ARHGAP4: variants seen among roughly 807,000 people sequenced by gnomAD.
ARHGAP4 encodes the protein rho GTPase-activating protein 4.
Under a neutral mutation model 67.6 loss-of-function variants are expected in ARHGAP4, and 25 were observed. That is an observed-to-expected ratio of 0.37 (90% confidence interval 0.27 to 0.52). The LOEUF (loss-of-function observed/expected upper bound fraction) is 0.52. ARHGAP4 is among the 20% of genes least tolerant of loss of function. The pLI is 0.92. For synonymous variants in ARHGAP4, 448 were observed against 373.7 expected, an observed-to-expected ratio of 1.20 and a Z score of -2.29; for missense variants, 804 against 854.6, an observed-to-expected ratio of 0.94 and a Z score of 0.74.
chrX:153,917,946 G>A (rs1279920769), intron 7 of ARHGAP4, among the ~76,000 whole-genome samples: 1 of 112,217 alleles, frequency 8.9e-6, no homozygotes, highest in Admixed American at 9.5e-5. Flanking sequence ...GCGCAGAGGA[G>A]AAGGTTGACC....
intron 5 of ARHGAP4, chrX:153,919,792 AT>A (rs200702381): frequency 0.027 from 17,573 of 641,928 alleles, no homozygotes; most frequent in Non-Finnish European, 0.031. Context: ...TTTTTTTTTT[AT>A]TTTTTTTTTT....
chrX:153,910,717 T>C lies in ARHGAP4; in HGVS notation c.1799A>G (p.Glu600Gly), dbSNP rs1440954063. ...PPLFPPDLFG[E>G]LLASSELEAT... ...AGCCTCACCCGAAGAAGCCAGCAGC[T>C]CGCCGAACAGGTCTGGGGGGAAGAG... is the stretch of plus-strand genomic sequence containing the variant. The change falls in exon 15 of 22, where the codon GAG becomes GGG. Residue 600 changes from glutamate (E) to glycine (G), a missense_variant. Glu to Gly is a moderately conservative substitution (Grantham distance 98). Coordinates refer to ENST00000350060, the MANE Select transcript of ARHGAP4 (RefSeq NM_001666.5). 1.7e-6 allele frequency: 2 copies of C among 1,192,595 alleles called. No individual in the cohort carries two copies. Among genetic ancestry groups the C allele is most frequent in the African/African-American group, 1.8e-5 (1 of 56,777 alleles).
chrX:153,909,059 C>T lies in ARHGAP4; in HGVS notation c.2607+11G>A. On this transcript the variant is annotated intron_variant, in intron 21 of 21. Transcript: ENST00000350060. ...ACAGATGTCCCTCACCTGCCACACA[C>T]CCACTCTCACCTTATCCACCTCCAC... The T allele has an allele frequency of 1.7e-6, 2 of 1,208,342 alleles. No homozygotes were observed. Among genetic ancestry groups the T allele is most frequent in the Non-Finnish European group, 2.2e-6 (2 of 892,652 alleles).
At chrX:153,917,611 C>A (rs782180893) in intron 7 of ARHGAP4, among the ~76,000 whole-genome samples, 2 of 111,085 alleles carry the variant, frequency 1.8e-5, no homozygotes, top group Non-Finnish European at 3.8e-5. Flanking sequence ...GAAAAATTAG[C>A]CTGGCGTTGT....
In ARHGAP4 at chrX:153,917,944, G is replaced by A. The variant is rs868986226; in HGVS notation, c.1032+888C>T. ...GAAGGCTCTGGGGGAGGGCGCAGAG[G>A]AGAAGGTTGACCTCACAGGTGCCTG... On this transcript the variant is annotated intron_variant, in intron 7 of 21. Transcript: ENST00000350060. 1.2e-4 allele frequency among the ~76,000 whole-genome samples: 13 copies of A among 112,223 alleles called. No individual in the cohort carries two copies. In the South Asian group the frequency reaches 3.3e-3, roughly 28 times the overall value.
Position 153,915,317 on chromosome X carries a change from A to G in ARHGAP4, c.1033-1438T>C, listed in dbSNP as rs991957706. 9.5e-4 allele frequency among the ~76,000 whole-genome samples: 107 copies of G among 112,323 alleles called. 3 individuals carry two copies. Among genetic ancestry groups the G allele is most frequent in the Non-Finnish European group, 3.2e-4 (17 of 53,229 alleles). On this transcript the variant is annotated intron_variant, in intron 7 of 21. Coordinates refer to ENST00000350060, the MANE Select transcript of ARHGAP4 (RefSeq NM_001666.5). The stretch of plus-strand genomic sequence containing the variant: ...GCGGCTGGATGGTGGTGATGGCTGC[A>G]CAGCACCGTGAATGTGCTTCTGCCC...
intron 7 of ARHGAP4, among the ~76,000 whole-genome samples, chrX:153,915,874 A>G (rs981557102): frequency 8.9e-6 from 1 of 112,097 alleles, no homozygotes; most frequent in Non-Finnish European, 1.9e-5. Flanking sequence ...AAAACTAACA[A>G]TTTGCTCTCT....
chrX:153,909,149 G>A lies in ARHGAP4; in HGVS notation c.2528C>T (p.Pro843Leu), dbSNP rs782112340. The stretch of plus-strand genomic sequence containing the variant: ...GTGTCCAGAGGGTCCCATGGCCTCA[G>A]GTGAGGTGCATGGCTCTGGCCTGCA... ...LVHRPEPCTS[P>L]EAMGPSGHRR... The change falls in exon 21 of 22, where the codon CCT becomes CTT. Residue 843 changes from proline (P) to leucine (L), a missense_variant. Pro to Leu is a moderately conservative substitution (Grantham distance 98). Coordinates refer to ENST00000350060, the MANE Select transcript of ARHGAP4 (RefSeq NM_001666.5). 3 of 1,210,149 alleles carry A rather than the reference G, an allele frequency of 2.5e-6. No homozygotes were observed. Among genetic ancestry groups the A allele is most frequent in the East Asian group, 5.9e-5 (2 of 33,815 alleles).
Position 153,907,952 on chromosome X carries a change from T to C in ARHGAP4, c.2618A>G (p.Gln873Arg). The C allele has an allele frequency of 8.8e-7, 1 of 1,130,155 alleles. No homozygotes were observed. Among genetic ancestry groups the C allele is most frequent in the Non-Finnish European group, 1.2e-6 (1 of 855,558 alleles). 93.1% of individuals were successfully genotyped at this position (1,130,155 alleles called of 1,213,427 possible). The change falls in exon 22 of 22, where the codon CAG becomes CGG. Residue 873 changes from glutamine (Q) to arginine (R), a missense_variant. Physicochemically the swap from Gln to Arg is conservative, Grantham distance 43. Coordinates refer to ENST00000350060, the MANE Select transcript of ARHGAP4 (RefSeq NM_001666.5). ...QHVEVDKAVA[Q>R]NMDSVFKELL... ...CTCCTTAAACACAGAGTCCATGTTC[T>C]GTGCCACAGCCTAGCGGAGGGGAAA... is the stretch of plus-strand genomic sequence containing the variant.
chrX:153,910,595 C>A lies in ARHGAP4; in HGVS notation c.1833G>T (p.Ala611=). ...LLASSELEAT[A]ERVEHVSRLL... ...GGCGGCTCACGTGCTCCACCCTCTC[C>A]GCTGTGGCCTCCAGCTCTGTGGCCA... Residue 611 remains alanine (A), a synonymous_variant, in exon 16 of 22, where the codon GCG becomes GCT. Coordinates refer to ENST00000350060, the MANE Select transcript of ARHGAP4 (RefSeq NM_001666.5). The A allele has an allele frequency of 1.7e-6, 2 of 1,207,337 alleles. No homozygotes were observed. Among genetic ancestry groups the A allele is most frequent in the Admixed American group, 2.2e-5 (1 of 45,946 alleles).
At chrX:153,924,059 G>C (rs1047926881) in intron 1 of ARHGAP4, among the ~76,000 whole-genome samples, 1 of 112,106 alleles carries the variant, frequency 8.9e-6, no homozygotes, top group African/African-American at 3.2e-5. Context: ...GATTACAGAC[G>C]TGAGCCACCA....
In ARHGAP4 at chrX:153,907,598, A is replaced by G; in HGVS notation, c.*131T>C. ...ATCCCTGTGTGCACGGCCCCATCCC[A>G]CCTCTCTGCACAGGGTGAAGTGCAG... On this transcript the variant is annotated 3_prime_UTR_variant, in exon 22 of 22. Coordinates refer to ENST00000350060, the MANE Select transcript of ARHGAP4 (RefSeq NM_001666.5). The G allele has an allele frequency of 2.8e-6, 1 of 360,473 alleles. No individual in the cohort carries two copies. The highest frequency in any genetic ancestry group is 5.1e-5 in the Admixed American group (1 of 19,588). The allele number at this position is 360,473 out of a possible 1,213,427, so 29.7% of individuals were successfully genotyped here.
In ARHGAP4 at chrX:153,926,212, G is replaced by C. The variant is rs2065127466; in HGVS notation, c.-10C>G. The C allele has an allele frequency of 8.4e-7, 1 of 1,186,961 alleles. No individual in the cohort carries two copies. The highest frequency in any genetic ancestry group is 1.1e-6 in the Non-Finnish European group (1 of 883,494). The stretch of plus-strand genomic sequence containing the variant: ...TCCCGTGAGCGGCCATGGCGGCCTC[G>C]CGGCCGCGCCGTCGAACCCCACTGC... On this transcript the variant is annotated 5_prime_UTR_variant, in exon 1 of 22. Coordinates refer to ENST00000350060, the MANE Select transcript of ARHGAP4 (RefSeq NM_001666.5).
At chrX:153,911,105 C>T (rs1173764410) in intron 13 of ARHGAP4, 24 bp downstream of exon 13, 9 of 1,165,607 alleles carry the variant, frequency 7.7e-6, no homozygotes, top group Admixed American at 5.2e-5. Context: ...GCCAGGACAT[C>T]GGGAGGGGCT....
chrX:153,919,767 A>C, intron 5 of ARHGAP4: 1 of 953,092 alleles, frequency 1.0e-6, no homozygotes, highest in Non-Finnish European at 1.4e-6. Flanking sequence ...CCTGGGTTCT[A>C]AAACTGGCAC....
intron 10 of ARHGAP4, 75 bp downstream of exon 10, chrX:153,913,143 C>T (rs985735926): frequency 3.6e-5 from 42 of 1,157,243 alleles, no homozygotes; most frequent in Non-Finnish European, 4.7e-5. Flanking sequence ...CAAGGACAGG[C>T]GGGAGGGGAG....
chrX:153,913,812 C>A lies in ARHGAP4; in HGVS notation c.1100G>T (p.Ser367Ile). Reference sequence around the variant, plus strand: ...CTCAATGGTCTGTCGGTCCAGGCGGCTCTGGATGTTCTGGGCTCTGGGCAG... The same window carrying A: ...CTCAATGGTCTGTCGGTCCAGGCGGATCTGGATGTTCTGGGCTCTGGGCAG... ...EILPRAQNIQ[S>I]RLDRQTIETE... Residue 367 changes from serine (S) to isoleucine (I), a missense_variant, in exon 8 of 22, where the codon AGC (serine) becomes ATC (isoleucine). Physicochemically the swap from Ser to Ile is moderately radical, Grantham distance 142. This residue lies in a region of ARHGAP4 where 404 missense variants were observed against 505.9 expected (regional missense o/e 0.80). Coordinates refer to ENST00000350060, the MANE Select transcript of ARHGAP4 (RefSeq NM_001666.5). 8.2e-7 allele frequency: 1 copy of A among 1,212,304 alleles called. No individual in the cohort carries two copies. The highest frequency in any genetic ancestry group is 1.1e-6 in the Non-Finnish European group (1 of 895,608).
chrX:153,915,098 G>A (rs922617418), intron 7 of ARHGAP4, among the ~76,000 whole-genome samples: 8 of 111,875 alleles, frequency 7.2e-5, no homozygotes, highest in Non-Finnish European at 1.3e-4. Flanking sequence ...TGACCCTTGA[G>A]GACATGGGAC....
Position 153,910,036 on chromosome X carries a change from C to T in ARHGAP4, c.2206G>A (p.Ala736Thr). Reference sequence around the variant, plus strand: ...CCATCCTCCTGTGCGGGCATCTCGGCTTCCAGCTCCGGCTCATTGTCCGCC... The same window carrying T: ...CCATCCTCCTGTGCGGGCATCTCGGTTTCCAGCTCCGGCTCATTGTCCGCC... ...LGADNEPELE[A>T]EMPAQEDDLE... is the part of the protein sequence containing the mutation. The change falls in exon 18 of 22, where the codon GCC becomes ACC. Residue 736 changes from alanine to threonine, a missense_variant. Physicochemically the swap from Ala to Thr is moderately conservative, Grantham distance 58 (BLOSUM62 0). This residue lies in a region of ARHGAP4 where 400 missense variants were observed against 348.7 expected (regional missense o/e 1.15). Coordinates refer to ENST00000350060, the MANE Select transcript of ARHGAP4 (RefSeq NM_001666.5). 1 of 1,210,071 alleles carries T rather than the reference C, an allele frequency of 8.3e-7. No individual in the cohort carries two copies. The highest frequency in any genetic ancestry group is 1.1e-6 in the Non-Finnish European group (1 of 895,254).
Sources: allele counts gnomAD v4.1 joint callset (sites outside exome capture counted in the v4.1 genomes callset), GRCh38; gene constraint gnomAD v4.1.1; regional missense constraint gnomAD v4.1.1; transcripts MANE v1.5; gene names NCBI Gene and HGNC (gene_info 2026-07-23, HGNC 2026-07-21).